The following PCCA variants were observed in gnomAD, a reference collection of about 807,000 sequenced individuals.
The protein encoded by PCCA is propionyl-CoA carboxylase alpha chain, mitochondrial.
Under a neutral mutation model 101.3 loss-of-function variants are expected in PCCA, and 74 were observed. The ratio of observed to expected loss-of-function variants is 0.73; its 90% CI spans 0.61 to 0.89. PCCA has a LOEUF of 0.89. Ranked by LOEUF, PCCA falls within the 40% of genes least tolerant of loss-of-function variation. The probability of loss-of-function intolerance (pLI) is 0.00; values close to 1 mark genes in which losing one functional copy is unlikely to be tolerated. For missense variants in PCCA, 891 were observed against 907.0 expected, an observed-to-expected ratio of 0.98 and a Z score of 0.23; for synonymous variants, 294 against 313.6, an observed-to-expected ratio of 0.94 and a Z score of 0.66.
intron 21 of PCCA, among the ~76,000 whole-genome samples, chr13:100,496,269 A>G (rs758069161): frequency 3.3e-5 from 5 of 152,234 alleles, no homozygotes; most frequent in Non-Finnish European, 7.3e-5. Context: ...AGCAAAAGAA[A>G]AAGAAGTGTT....
Position 100,155,019 on chromosome 13 carries a change from C to T in PCCA, c.341C>T (p.Pro114Leu), listed in dbSNP as rs745552874. 6.2e-7 allele frequency: 1 copy of T among 1,614,064 alleles called. No individual in the cohort carries two copies. The highest frequency in any genetic ancestry group is 1.3e-5 in the African/African-American group (1 of 75,030). The change falls in exon 5 of 24, where the codon CCA (proline) becomes CTA (leucine). Residue 114 changes from proline (P) to leucine (L), a missense_variant. Physicochemically the swap from Pro to Leu is moderately conservative, Grantham distance 98. Transcript: ENST00000376285. Reference protein sequence around the residue: ...KMADEAVCVGPAPTSKSYLNM... With the variant: ...KMADEAVCVGLAPTSKSYLNM... ...GCGGATGAGGCTGTCTGTGTTGGCC[C>T]AGCTCCCACCAGTAAAAGCTACCTC...
intron 12 of PCCA, among the ~76,000 whole-genome samples, chr13:100,292,276 G>A (rs1026282604): frequency 2.6e-5 from 4 of 152,168 alleles, no homozygotes; most frequent in Non-Finnish European, 4.4e-5. Flanking sequence ...TTTAATCATT[G>A]TTTTTGTTAA....
rs553931537 is a variant in PCCA, at chr13:100,344,308, T to C, written c.1643+4049T>C. Reference sequence around the variant, plus strand: ...TGGAAGACCTGGTGGATGGTGGTAATAACAAAAGTGCAAGAGCAGCTTTGA... The same window carrying C: ...TGGAAGACCTGGTGGATGGTGGTAACAACAAAAGTGCAAGAGCAGCTTTGA... On this transcript the variant is annotated intron_variant, in intron 18 of 23. Coordinates refer to ENST00000376285, the MANE Select transcript of PCCA (RefSeq NM_000282.4). Among the ~76,000 whole-genome samples, 27 of 152,290 alleles carry C rather than the reference T, an allele frequency of 1.8e-4. No homozygotes were observed. In the South Asian group the frequency reaches 5.0e-3, roughly 28 times the overall value.
chr13:100,350,012 A>T (rs550235651), intron 18 of PCCA, among the ~76,000 whole-genome samples: 1 of 152,342 alleles, frequency 6.6e-6, no homozygotes, highest in East Asian at 1.9e-4. Context: ...GGTTTCAGAT[A>T]TAGAATTTAT....
At chr13:100,289,581 T>C (rs767883098) in intron 12 of PCCA, among the ~76,000 whole-genome samples, 2 of 152,050 alleles carry the variant, frequency 1.3e-5, no homozygotes, top group Non-Finnish European at 1.5e-5. Context: ...TTCCATTTTG[T>C]TTTTCCTTTT....
At chr13:100,345,569 G>A (rs1338498073) in intron 18 of PCCA, among the ~76,000 whole-genome samples, 1 of 152,222 alleles carries the variant, frequency 6.6e-6, no homozygotes, top group Non-Finnish European at 1.5e-5. Flanking sequence ...AAGTGGAGGG[G>A]AAGCTGCAAG....
chr13:100,126,438 C>T (rs1404924425), intron 4 of PCCA, among the ~76,000 whole-genome samples: 1 of 151,750 alleles, frequency 6.6e-6, no homozygotes, highest in Non-Finnish European at 1.5e-5. Flanking sequence ...AAAATAATTC[C>T]AGTATTTCAG....
chr13:100,370,434 C>T (rs536779668), intron 19 of PCCA, among the ~76,000 whole-genome samples: 150 of 152,134 alleles, frequency 9.9e-4, no homozygotes, highest in South Asian at 4.6e-3. Context: ...TGACTGCATA[C>T]GTGGTATCTT....
intron 1 of PCCA, among the ~76,000 whole-genome samples, chr13:100,091,004 T>C (rs919167791): frequency 6.6e-5 from 10 of 152,150 alleles, no homozygotes. Flanking sequence ...AGATGAATGT[T>C]ATAGGTGAGA....
In PCCA at chr13:100,471,905, A is replaced by T. The variant is rs184849224; in HGVS notation, c.1899+22600A>T. Among the ~76,000 whole-genome samples the T allele has an allele frequency of 2.1e-3, 317 of 152,268 alleles. 4 individuals are homozygous for T. The highest frequency in any genetic ancestry group is 7.4e-3 in the African/African-American group (308 of 41,548). Reference sequence around the variant, plus strand: ...GTGGGCCTTGTCTCTTGTGACAAGGATATTTTGCTCCTTAGCTCAGCAGAG... The same window carrying T: ...GTGGGCCTTGTCTCTTGTGACAAGGTTATTTTGCTCCTTAGCTCAGCAGAG... On this transcript the variant is annotated intron_variant, in intron 21 of 23. Transcript: ENST00000376285.
chr13:100,225,822 G>A (rs917885582), intron 7 of PCCA, among the ~76,000 whole-genome samples: 3 of 151,864 alleles, frequency 2.0e-5, no homozygotes, highest in African/African-American at 4.8e-5. Context: ...GAAGAGTGTC[G>A]CTCAGTCACC....
At chr13:100,219,463 G>C (rs2059693657) in intron 7 of PCCA, among the ~76,000 whole-genome samples, 1 of 152,084 alleles carries the variant, frequency 6.6e-6, no homozygotes, top group South Asian at 2.1e-4. Context: ...TATGAAATTA[G>C]TGAATGTAGT....
chr13:100,527,455 G>T, intron 22 of PCCA: 1 of 578,670 alleles, frequency 1.7e-6, no homozygotes, highest in Non-Finnish European at 3.1e-6. Flanking sequence ...CAGGGTCAGG[G>T]ATTTTTTTTT....
At chr13:100,164,743 C>G (rs1470586586) in intron 6 of PCCA, among the ~76,000 whole-genome samples, 2 of 152,282 alleles carry the variant, frequency 1.3e-5, no homozygotes, top group South Asian at 2.1e-4. Context: ...AAGAGTGTGG[C>G]TCAGTGGCTT....
intron 6 of PCCA, among the ~76,000 whole-genome samples, chr13:100,158,400 A>G (rs575907024): frequency 1.3e-4 from 20 of 152,336 alleles, no homozygotes; most frequent in South Asian, 2.1e-4. Context: ...ACTTGAAACA[A>G]TTATTAAGAT....
intron 21 of PCCA, among the ~76,000 whole-genome samples, chr13:100,503,482 C>G (rs2085836207): frequency 6.6e-6 from 1 of 151,996 alleles, no homozygotes; most frequent in African/African-American, 2.4e-5. Flanking sequence ...AAGAGCGAAA[C>G]TCCATCCCCC....
intron 18 of PCCA, among the ~76,000 whole-genome samples, chr13:100,353,005 C>CCAAGACAAAATATTGTT (rs2073463038): frequency 6.6e-6 from 1 of 152,160 alleles, no homozygotes; most frequent in African/African-American, 2.4e-5. Context: ...GCATGAGCTG[C>CCAAGACAAAATATTGTT]CAAGACAAAA....
chr13:100,284,621 T>C (rs896483750), intron 12 of PCCA, among the ~76,000 whole-genome samples: 1 of 152,208 alleles, frequency 6.6e-6, no homozygotes, highest in Non-Finnish European at 1.5e-5. Flanking sequence ...CTTAGACTCA[T>C]CAATGAGGCA....
chr13:100,128,578 A>C (rs1566533998), intron 4 of PCCA, among the ~76,000 whole-genome samples: 1 of 152,150 alleles, frequency 6.6e-6, no homozygotes, highest in Non-Finnish European at 1.5e-5. Context: ...GATGAGAAGG[A>C]GTCAGCCAGC....
Sources: gnomAD v4.1 joint callset for allele counts (sites outside exome capture counted in the v4.1 genomes callset) on GRCh38, gnomAD v4.1.1 for gene constraint, MANE v1.5 for transcripts, NCBI Gene and HGNC (gene_info 2026-07-23, HGNC 2026-07-21) for gene names.